Variants in ZNF225 observed in about 807,000 individuals in gnomAD.
ZNF225 encodes the protein zinc finger protein 225.
ZNF225 carries 6 observed loss-of-function variants against 12.0 expected under a neutral mutation model. That is an observed-to-expected ratio of 0.50 (90% CI 0.27 to 0.98). The LOEUF is 0.98. Ranked by LOEUF, ZNF225 falls within the 50% of genes least tolerant of loss-of-function variation. The pLI is 0.11. For missense variants in ZNF225, 763 were observed against 848.2 expected, an observed-to-expected ratio of 0.90 and a Z score of 1.25; for synonymous variants, 271 against 283.2, an observed-to-expected ratio of 0.96 and a Z score of 0.43.
At position 44,131,916 on chromosome 19, in the gene ZNF225, G is replaced by A. The variant is rs1381031314; in HGVS notation, c.1302G>A (p.Gly434=). The A allele has an allele frequency of 6.2e-7, 1 of 1,614,168 alleles. No homozygotes were observed. Among genetic ancestry groups the A allele is most frequent in the Admixed American group, 1.7e-5 (1 of 60,024 alleles). The change falls in exon 5 of 5, where the codon GGG becomes GGA. Residue 434 remains glycine (G), a synonymous_variant. Transcript: ENST00000262894. Reference sequence around the variant, plus strand: ...AGCCATATAGATGTGAGGAGTGTGGGAAGGGCTACAAAAGGAGGTTGGATC... The same window carrying A: ...AGCCATATAGATGTGAGGAGTGTGGAAAGGGCTACAAAAGGAGGTTGGATC... The part of the protein sequence containing the change: ...GEKPYRCEEC[G]KGYKRRLDLD...
upstream of ZNF225, chr19:44,112,778 A>G (rs1256945005): frequency 6.6e-6 from 1 of 152,258 alleles, no homozygotes; most frequent in Non-Finnish European, 1.5e-5. Context: ...TATTTACAAA[A>G]GAACAAATAC....
Position 44,131,434 on chromosome 19 carries a change from C to T in ZNF225, c.820C>T (p.Gln274Ter). 6.2e-7 allele frequency: 1 copy of T among 1,614,154 alleles called. No individual in the cohort carries two copies. The change falls in exon 5 of 5, where the codon CAG becomes TAG. Residue 274 changes from glutamine (Q) to a stop codon, truncating the protein, a stop_gained. Coordinates refer to ENST00000262894, the MANE Select transcript of ZNF225 (RefSeq NM_013362.4). LOFTEE classifies it low-confidence loss of function (END_TRUNC). ...TGGGAAGGCCTTCATTCATGATTCC[C>T]AGCTTCAGGAACATCAAAGAATCCA... is the stretch of plus-strand genomic sequence containing the variant. ...KCGKAFIHDS[Q>*]LQEHQRIHTG...
At chr19:44,121,495 C>T (rs1599675994) in intron 4 of ZNF225, among the ~76,000 whole-genome samples, 1 of 152,174 alleles carries the variant, frequency 6.6e-6, no homozygotes, top group Non-Finnish European at 1.5e-5. Context: ...ACTTCTTTTC[C>T]TCTGGATAGA....
At chr19:44,113,039 G>T (rs1373804175), upstream of ZNF225, 1 of 152,224 alleles carries the variant, frequency 6.6e-6, no homozygotes, top group African/African-American at 2.4e-5. Context: ...TTCGTTCCCA[G>T]TGGGCACCTC....
rs1967873674 is a variant in ZNF225 at position 44,113,505 on chromosome 19, C to A, written c.-133C>A. 6.6e-6 allele frequency: 1 copy of A among 152,188 alleles called. No individual in the cohort carries two copies. The highest frequency in any genetic ancestry group is 2.4e-5 in the African/African-American group (1 of 41,408). 9.4% of individuals were successfully genotyped at this position (152,188 alleles called of 1,614,324 possible). ...GACCCTTCTGAATTTCCTGGACCTA[C>A]GCATTGGATCCTTAACGAACTGGTG... is the stretch of plus-strand genomic sequence containing the variant. On this transcript the variant is annotated 5_prime_UTR_variant, in exon 1 of 5. Coordinates refer to ENST00000262894, the MANE Select transcript of ZNF225 (RefSeq NM_013362.4).
chr19:44,118,276 A>T lies in ZNF225; in HGVS notation c.104A>T (p.Glu35Val). The T allele has an allele frequency of 6.2e-7, 1 of 1,613,420 alleles. No homozygotes were observed. ...CTTGCCCAGAGGAAACTGTACCGAG[A>T]AGTGATGCTGGAGAACTTCAGGAAC... ...LDLAQRKLYR[E>V]VMLENFRNLL... The change falls in exon 3 of 5, where the codon GAA (glutamate) becomes GTA (valine). Residue 35 changes from glutamate (E) to valine (V), a missense_variant. Glu to Val is a moderately radical substitution (Grantham distance 121). Transcript: ENST00000262894.
chr19:44,134,604 CTG>C lies in ZNF225; in HGVS notation c.*1871_*1872del, dbSNP rs1236137037. 3.4e-4 allele frequency: 51 copies of C among 152,172 alleles called. No homozygotes were observed. The highest frequency in any genetic ancestry group is 3.3e-3 in the Admixed American group (51 of 15,286). The allele number at this position is 152,172 out of a possible 1,614,324, so 9.4% of individuals were successfully genotyped here. On this transcript the variant is annotated 3_prime_UTR_variant, in exon 5 of 5. Coordinates refer to ENST00000262894, the MANE Select transcript of ZNF225 (RefSeq NM_013362.4). ...CCAGAATAGCTCATCTCCAAGGTAA[CTG>C]TAACAGAACACTCAGCAGATTAAAC...
chr19:44,133,911 G>T lies in ZNF225; in HGVS notation c.*1176G>T, dbSNP rs578016040. The T allele has an allele frequency of 6.6e-6, 1 of 151,072 alleles. No individual in the cohort carries two copies. Among genetic ancestry groups the T allele is most frequent in the African/African-American group, 2.5e-5 (1 of 40,792 alleles). 9.4% of individuals were successfully genotyped at this position (151,072 alleles called of 1,614,324 possible). ...TTGATTTTTATAATCAAATCTACTA[G>T]AGATAGATTTGATTTTTATACTTAA... On this transcript the variant is annotated 3_prime_UTR_variant, in exon 5 of 5. Coordinates refer to ENST00000262894, the MANE Select transcript of ZNF225 (RefSeq NM_013362.4).
intron 4 of ZNF225, chr19:44,128,439 T>C (rs1968189852): frequency 6.6e-6 from 1 of 152,196 alleles, no homozygotes; most frequent in African/African-American, 2.4e-5. Flanking sequence ...GACTCCTCCT[T>C]CTTCCCAAAA....
intron 1 of ZNF225, chr19:44,114,137 C>A: frequency 1.2e-6 from 1 of 817,232 alleles, no homozygotes; most frequent in Non-Finnish European, 2.0e-6. Context: ...TGTTTCACAG[C>A]CTTCTCCTTA....
rs748967094 is a variant in ZNF225 at position 44,131,006 on chromosome 19, C to A, written c.392C>A (p.Pro131His). The part of the protein sequence containing the change: ...SFQFSKQDDM[P>H]CQVDAGLSII... The stretch of plus-strand genomic sequence containing the variant: ...CAGTTCTCCAAACAAGATGATATGC[C>A]CTGCCAGGTTGATGCAGGACTATCT... The change falls in exon 5 of 5, where the codon CCC (proline) becomes CAC (histidine). Residue 131 changes from proline (P) to histidine (H), a missense_variant. Physicochemically the swap from Pro to His is moderately conservative, Grantham distance 77. Coordinates refer to ENST00000262894, the MANE Select transcript of ZNF225 (RefSeq NM_013362.4). 2 of 1,613,950 alleles carry A rather than the reference C, an allele frequency of 1.2e-6. No individual in the cohort carries two copies. Among genetic ancestry groups the A allele is most frequent in the Non-Finnish European group, 1.7e-6 (2 of 1,179,912 alleles).
In ZNF225 at chr19:44,134,602, A is replaced by G. The variant is rs1568544959; in HGVS notation, c.*1867A>G. On this transcript the variant is annotated 3_prime_UTR_variant, in exon 5 of 5. Coordinates refer to ENST00000262894, the MANE Select transcript of ZNF225 (RefSeq NM_013362.4). ...TACCAGAATAGCTCATCTCCAAGGT[A>G]ACTGTAACAGAACACTCAGCAGATT... 2 of 152,210 alleles carry G rather than the reference A, an allele frequency of 1.3e-5. No individual in the cohort carries two copies. The highest frequency in any genetic ancestry group is 4.8e-5 in the African/African-American group (2 of 41,456). 9.4% of individuals were successfully genotyped at this position (152,210 alleles called of 1,614,324 possible).
At chr19:44,129,190 C>A in intron 4 of ZNF225, 1 of 934,618 alleles carries the variant, frequency 1.1e-6, no homozygotes, top group Non-Finnish European at 1.4e-6. Context: ...AAAATGTAGA[C>A]ATAAATACTC....
In ZNF225 at chr19:44,131,272, C is replaced by G; in HGVS notation, c.658C>G (p.Gln220Glu). The G allele has an allele frequency of 6.2e-7, 1 of 1,614,192 alleles. No individual in the cohort carries two copies. Among genetic ancestry groups the G allele is most frequent in the Non-Finnish European group, 8.5e-7 (1 of 1,180,036 alleles). Residue 220 changes from glutamine (Q) to glutamate (E), a missense_variant, in exon 5 of 5, where the codon CAA (glutamine) becomes GAA (glutamate). Coordinates refer to ENST00000262894, the MANE Select transcript of ZNF225 (RefSeq NM_013362.4). Reference sequence around the variant, plus strand: ...GGAATTCAATCAGAGCTCACATCTGCAAATTCATCAGAGAATCCACACTGG... The same window carrying G: ...GGAATTCAATCAGAGCTCACATCTGGAAATTCATCAGAGAATCCACACTGG... ...GKEFNQSSHL[Q>E]IHQRIHTGEK...
intron 1 of ZNF225, among the ~76,000 whole-genome samples, chr19:44,113,855 C>T (rs541927034): frequency 4.9e-4 from 75 of 152,314 alleles, no homozygotes; most frequent in African/African-American, 1.7e-3. Context: ...GTTTTGGGAA[C>T]TGAAAGCGGT....
At chr19:44,121,771 T>TTTG (rs1968062291) in intron 4 of ZNF225, among the ~76,000 whole-genome samples, 1 of 152,230 alleles carries the variant, frequency 6.6e-6, no homozygotes, top group Non-Finnish European at 1.5e-5. Context: ...TTAAAATATG[T>TTTG]TTGTTGGCCA....
intron 1 of ZNF225, among the ~76,000 whole-genome samples, chr19:44,115,287 T>A (rs1967921897): frequency 6.6e-6 from 1 of 152,326 alleles, no homozygotes; most frequent in Non-Finnish European, 1.5e-5. Flanking sequence ...GGAATAAACA[T>A]CACCATAATT....
chr19:44,115,868 G>A, intron 2 of ZNF225, 26 bp downstream of exon 2: 1 of 1,610,064 alleles, frequency 6.2e-7, no homozygotes, highest in African/African-American at 1.3e-5. Flanking sequence ...CTCTCTTGCT[G>A]TTAAAATTTC....
intron 4 of ZNF225, chr19:44,130,364 A>T (rs1221234109): frequency 6.6e-6 from 1 of 151,508 alleles, no homozygotes; most frequent in Non-Finnish European, 1.5e-5. Flanking sequence ...GTGTCCCTGC[A>T]CTCCAGCCTG....
Sources: allele counts gnomAD v4.1 joint callset (sites outside exome capture counted in the v4.1 genomes callset), GRCh38; gene constraint gnomAD v4.1.1; transcripts MANE v1.5; gene names NCBI Gene and HGNC (gene_info 2026-07-23, HGNC 2026-07-21).